The following FAP variants were observed in gnomAD, a reference collection of about 807,000 sequenced individuals.
FAP encodes the protein prolyl endopeptidase FAP.
A neutral mutation model predicts 126.5 loss-of-function variants in FAP; 110 were observed. The observed-to-expected ratio is 0.87, with a 90% CI of 0.74 to 1.02. FAP has a LOEUF of 1.02. Among genes scored for constraint, FAP ranks in the 50% least tolerant of loss-of-function variants. The pLI, the probability that FAP is intolerant of heterozygous loss-of-function variation, is 0.00. For missense variants in FAP, 919 were observed against 909.2 expected, an observed-to-expected ratio of 1.01 and a Z score of -0.14; for synonymous variants, 334 against 297.3, an observed-to-expected ratio of 1.12 and a Z score of -1.27.
At chr2:162,208,181 G>A (rs1688785433) in intron 12 of FAP, among the ~76,000 whole-genome samples, 1 of 151,302 alleles carries the variant, frequency 6.6e-6, no homozygotes, top group Non-Finnish European at 1.5e-5. Flanking sequence ...GCTTGAACCC[G>A]GGAGGCGGAG....
chr2:162,236,823 G>A (rs1211232283), intron 2 of FAP, among the ~76,000 whole-genome samples: 1 of 152,046 alleles, frequency 6.6e-6, no homozygotes, highest in South Asian at 2.1e-4. Context: ...GGCTGGTCTT[G>A]AACTCCTGGC....
intron 15 of FAP, among the ~76,000 whole-genome samples, chr2:162,200,278 C>T (rs937377473): frequency 7.2e-5 from 11 of 152,192 alleles, no homozygotes; most frequent in African/African-American, 2.7e-4. Context: ...GAAATGTCCT[C>T]AATTACCTCT....
At chr2:162,177,496 C>T (rs147227711) in intron 21 of FAP, among the ~76,000 whole-genome samples, 7 of 152,148 alleles carry the variant, frequency 4.6e-5, no homozygotes, top group East Asian at 1.9e-4. Flanking sequence ...GGCCTCAGGA[C>T]GTTTGCAAAT....
intron 2 of FAP, among the ~76,000 whole-genome samples, chr2:162,235,896 C>G (rs757968979): frequency 6.6e-6 from 1 of 152,164 alleles, no homozygotes; most frequent in African/African-American, 2.4e-5. Flanking sequence ...CCACCAATTC[C>G]GGACACAGTG....
intron 6 of FAP, 45 bp from the exon 7 acceptor site, chr2:162,219,970 A>G (rs991437692): frequency 7.7e-7 from 1 of 1,296,104 alleles, no homozygotes. Flanking sequence ...TTGCTGTTTA[A>G]TGCAAAAAAA....
intron 21 of FAP, among the ~76,000 whole-genome samples, chr2:162,179,895 A>G (rs1174476529): frequency 2.0e-5 from 3 of 148,516 alleles, no homozygotes; most frequent in Non-Finnish European, 4.5e-5. Context: ...TGCAACCTCT[A>G]CCTCCCGGGT....
intron 2 of FAP, among the ~76,000 whole-genome samples, chr2:162,234,749 A>G (rs552081306): frequency 1.3e-5 from 2 of 152,208 alleles, no homozygotes; most frequent in African/African-American, 2.4e-5. Context: ...CTCGGCACCC[A>G]TTCTGGCCGC....
In FAP at chr2:162,218,116, G is replaced by T; in HGVS notation, c.632C>A (p.Ala211Asp). The T allele has an allele frequency of 6.2e-7, 1 of 1,604,566 alleles. No individual in the cohort carries two copies. Among genetic ancestry groups the T allele is most frequent in the East Asian group, 2.3e-5 (1 of 44,340 alleles). ...TTTTCCATTAGGAGACCACCAGAGA[G>T]CATATTTTGTAGCAAGCATTTCCTC... ...YEEEMLATKY[A>D]LWWSPNGKFL... The change falls in exon 9 of 26, where the codon GCT becomes GAT. Residue 211 changes from alanine to aspartate, a missense_variant. Ala to Asp is a moderately radical substitution (Grantham distance 126, BLOSUM62 -2). Transcript: ENST00000188790.
intron 2 of FAP, among the ~76,000 whole-genome samples, chr2:162,232,625 T>C (rs1280824946): frequency 1.3e-5 from 2 of 152,208 alleles, no homozygotes; most frequent in African/African-American, 4.8e-5. Context: ...ACTTGAAGAA[T>C]GTCTCAGCTC....
At chr2:162,242,287 CA>C (rs1444496920) in intron 2 of FAP, among the ~76,000 whole-genome samples, 1 of 152,136 alleles carries the variant, frequency 6.6e-6, no homozygotes, top group African/African-American at 2.4e-5. Context: ...CAATTTTTAG[CA>C]AAGTGAGATC....
At chr2:162,233,067 C>T (rs920365903) in intron 2 of FAP, among the ~76,000 whole-genome samples, 6 of 152,138 alleles carry the variant, frequency 3.9e-5, no homozygotes, top group Admixed American at 2.6e-4. Flanking sequence ...CCCCTCACCC[C>T]ACTACCACAC....
Position 162,172,806 on chromosome 2 carries a change from T to G in FAP, c.2181+5A>C. 6.2e-7 allele frequency: 1 copy of G among 1,608,478 alleles called. No individual in the cohort carries two copies. The highest frequency in any genetic ancestry group is 8.5e-7 in the Non-Finnish European group (1 of 1,175,200). ...CATGAACATGAGTAAAACAAAATTA[T>G]GTACCATTGCCTGGAAATCCACTTG... On this transcript the variant is annotated splice_donor_5th_base_variant and intron_variant, in intron 25 of 25. Transcript: ENST00000188790.
intron 8 of FAP, 128 bp downstream of exon 8, chr2:162,218,935 G>C: frequency 4.4e-6 from 3 of 679,840 alleles, no homozygotes; most frequent in Non-Finnish European, 6.7e-6. Context: ...TCGTAACCTA[G>C]AGACAATTTT....
rs541949391 is a variant in FAP at position 162,197,342 on chromosome 2, T to G, written c.1402+1415A>C. Among the ~76,000 whole-genome samples, 14 of 152,326 alleles carry G rather than the reference T, an allele frequency of 9.2e-5. No homozygotes were observed. The South Asian group carries it at 2.7e-3, about 29-fold the overall frequency. Reference sequence around the variant, plus strand: ...AGATAGATAAACAGATGACTCAGTATAGTTAGCTCAATGATACTATGTGCC... The same window carrying G: ...AGATAGATAAACAGATGACTCAGTAGAGTTAGCTCAATGATACTATGTGCC... On this transcript the variant is annotated intron_variant, in intron 16 of 25. Coordinates refer to ENST00000188790, the MANE Select transcript of FAP (RefSeq NM_004460.5).
intron 21 of FAP, among the ~76,000 whole-genome samples, chr2:162,179,810 A>ATTTTTTTTTTTTTTTTT (rs1186933075): frequency 9.3e-6 from 1 of 107,126 alleles, no homozygotes; most frequent in African/African-American, 3.0e-5. Context: ...ATATATATAT[A>ATTTTTTTTTTTTTTTTT]TATTTTTTTT....
intron 11 of FAP, among the ~76,000 whole-genome samples, chr2:162,210,281 A>G (rs73973047): frequency 0.036 from 5,504 of 152,288 alleles, 341 homozygotes; most frequent in African/African-American, 0.13. Context: ...AGCACAATCC[A>G]CTTGATGTGG....
At chr2:162,236,305 G>A (rs2106302717) in intron 2 of FAP, among the ~76,000 whole-genome samples, 1 of 152,170 alleles carries the variant, frequency 6.6e-6, no homozygotes, top group Middle Eastern at 3.4e-3. Context: ...TAGTAATGCG[G>A]GTAATACCTT....
intron 12 of FAP, among the ~76,000 whole-genome samples, chr2:162,207,932 A>T (rs1215997436): frequency 6.9e-6 from 1 of 145,488 alleles, no homozygotes; most frequent in Non-Finnish European, 1.5e-5. Flanking sequence ...GATGGTCTCG[A>T]TCTCCTGACA....
rs777786569 is a variant in FAP at position 162,217,965 on chromosome 2, C to T, written c.762+21G>A. 16 of 1,522,796 alleles carry T rather than the reference C, an allele frequency of 1.1e-5. No homozygotes were observed. In the Middle Eastern group the frequency reaches 5.2e-4, roughly 50 times the overall value. The allele number at this position is 1,522,796 out of a possible 1,614,324, so 94.3% of individuals were successfully genotyped here. On this transcript the variant is annotated intron_variant, in intron 9 of 25. Transcript: ENST00000188790. ...TTTGATACCAGGAAAATGAAAGCAT[C>T]GCTGAAAGTATTCAACATACCTTTG...
Sources: gnomAD v4.1 joint callset for allele counts (sites outside exome capture counted in the v4.1 genomes callset) on GRCh38, gnomAD v4.1.1 for gene constraint, MANE v1.5 for transcripts, NCBI Gene and HGNC (gene_info 2026-07-23, HGNC 2026-07-21) for gene names.